The following KIAA0825 variants were observed in gnomAD, a reference collection of about 807,000 sequenced individuals.
KIAA0825 encodes the protein uncharacterized protein KIAA0825.
Under a neutral mutation model 147.6 loss-of-function variants are expected in KIAA0825, and 119 were observed. The ratio of observed to expected loss-of-function variants is 0.81; its 90% CI spans 0.69 to 0.94. The LOEUF is 0.94. KIAA0825 is among the 40% of genes least tolerant of loss of function. The pLI is 0.00. For synonymous variants in KIAA0825, 470 were observed against 518.1 expected, an observed-to-expected ratio of 0.91 and a Z score of 1.26; for missense variants, 1,381 against 1,472.7, an observed-to-expected ratio of 0.94 and a Z score of 1.02.
Position 94,396,490 on chromosome 5 carries a change from A to G in KIAA0825, c.2907T>C (p.Ala969=). 6.7e-7 allele frequency: 1 copy of G among 1,493,490 alleles called. No homozygotes were observed. The highest frequency in any genetic ancestry group is 8.9e-7 in the Non-Finnish European group (1 of 1,123,924). The allele number at this position is 1,493,490 out of a possible 1,614,324, so 92.5% of individuals were successfully genotyped here. ...TGCTGATTACAATAGATACTGCCTG[A>G]GCAGTAAGCCTTGTGAAGCCTGGGG... ...ESCKSFTRLT[A]QAVSIVISKL... Residue 969 remains alanine (A), a synonymous_variant, in exon 17 of 21, where the codon GCT becomes GCC. Coordinates refer to ENST00000682413, the MANE Select transcript of KIAA0825 (RefSeq NM_001145678.3).
chr5:94,373,556 G>C (rs1239927537), intron 20 of KIAA0825, among the ~76,000 whole-genome samples: 1 of 152,112 alleles, frequency 6.6e-6, no homozygotes, highest in Non-Finnish European at 1.5e-5. Context: ...GCAGGTGAGA[G>C]AATGAGATCT....
At chr5:94,351,046 T>C (rs1783608002) in intron 20 of KIAA0825, among the ~76,000 whole-genome samples, 1 of 152,046 alleles carries the variant, frequency 6.6e-6, no homozygotes, top group Non-Finnish European at 1.5e-5. Flanking sequence ...CTCTTCAATG[T>C]AGTACTGGAA....
chr5:94,265,491 G>T (rs554651119), intron 20 of KIAA0825, among the ~76,000 whole-genome samples: 2 of 152,066 alleles, frequency 1.3e-5, no homozygotes, highest in Non-Finnish European at 2.9e-5. Flanking sequence ...TCACTGCCAC[G>T]TACTTATATT....
intron 10 of KIAA0825, 91 bp from the exon 11 acceptor site, chr5:94,465,150 G>C (rs1463055292): frequency 1.6e-6 from 2 of 1,222,152 alleles, no homozygotes; most frequent in Non-Finnish European, 2.2e-6. Flanking sequence ...AGGCTGAAAG[G>C]AAATAGCTAA....
intron 20 of KIAA0825, among the ~76,000 whole-genome samples, chr5:94,237,856 G>C (rs1775141065): frequency 6.6e-6 from 1 of 152,192 alleles, no homozygotes; most frequent in Non-Finnish European, 1.5e-5. Context: ...TGGCCCTGTA[G>C]ATTAGCTCAG....
chr5:94,296,422 C>T (rs181909050), intron 20 of KIAA0825, among the ~76,000 whole-genome samples: 52 of 152,192 alleles, frequency 3.4e-4, no homozygotes, highest in African/African-American at 1.2e-3. Flanking sequence ...CATTTTGTCT[C>T]GCTGGTGTTC....
chr5:94,563,357 C>CAA (rs35396980), intron 2 of KIAA0825, among the ~76,000 whole-genome samples: 4 of 131,302 alleles, frequency 3.0e-5, no homozygotes, highest in Non-Finnish European at 4.9e-5. Flanking sequence ...GACTCCGTCT[C>CAA]AAAAAAAAAA....
intron 20 of KIAA0825, among the ~76,000 whole-genome samples, chr5:94,215,718 G>A (rs1773132102): frequency 6.6e-6 from 1 of 151,962 alleles, no homozygotes; most frequent in African/African-American, 2.4e-5. Context: ...CTTCTTTCCT[G>A]AAAAACTTTC....
intron 20 of KIAA0825, among the ~76,000 whole-genome samples, chr5:94,347,391 G>T (rs577295171): frequency 6.6e-6 from 1 of 152,284 alleles, no homozygotes; most frequent in African/African-American, 2.4e-5. Context: ...AAACCCTCAC[G>T]GAGTTCATTG....
At chr5:94,427,605 T>C (rs1755060000) in intron 14 of KIAA0825, among the ~76,000 whole-genome samples, 1 of 152,220 alleles carries the variant, frequency 6.6e-6, no homozygotes, top group South Asian at 2.1e-4. Flanking sequence ...TTTTATAAGA[T>C]TTGTACTTTC....
chr5:94,295,619 T>A (rs1243659986), intron 20 of KIAA0825, among the ~76,000 whole-genome samples: 2 of 152,186 alleles, frequency 1.3e-5, no homozygotes, highest in Non-Finnish European at 2.9e-5. Context: ...TGGACATCCT[T>A]TTTGTTGATG....
chr5:94,254,660 G>A (rs1044219323), intron 20 of KIAA0825, among the ~76,000 whole-genome samples: 1 of 152,020 alleles, frequency 6.6e-6, no homozygotes, highest in South Asian at 2.1e-4. Flanking sequence ...ACATCTCTAT[G>A]ATATTGACAA....
chr5:94,411,767 T>C (rs965475866), intron 15 of KIAA0825, among the ~76,000 whole-genome samples: 12 of 152,082 alleles, frequency 7.9e-5, no homozygotes, highest in Non-Finnish European at 1.6e-4. Context: ...GCCAACATAG[T>C]GAGACCCCAC....
chr5:94,182,250 CTTTTTTTTTTTTT>C (rs771486226), intron 20 of KIAA0825, among the ~76,000 whole-genome samples: 8 of 38,276 alleles, frequency 2.1e-4, no homozygotes, highest in Non-Finnish European at 2.6e-4. Flanking sequence ...AATGTCCCTT[CTTTTTTTTTTTTT>C]TTTTTTTTTT....
chr5:94,532,103 C>G (rs1770912856), intron 3 of KIAA0825, among the ~76,000 whole-genome samples: 1 of 152,072 alleles, frequency 6.6e-6, no homozygotes, highest in South Asian at 2.1e-4. Context: ...AAATGTCTCC[C>G]CTCTCCCTGC....
At chr5:94,457,169 TATA>T (rs1759218932) in intron 12 of KIAA0825, among the ~76,000 whole-genome samples, 1 of 152,076 alleles carries the variant, frequency 6.6e-6, no homozygotes, top group Non-Finnish European at 1.5e-5. Context: ...TTCTAGAGAG[TATA>T]ACAGGGTGAA....
intron 1 of KIAA0825, among the ~76,000 whole-genome samples, chr5:94,596,930 T>C (rs960910810): frequency 6.6e-6 from 1 of 152,190 alleles, no homozygotes; most frequent in Non-Finnish European, 1.5e-5. Context: ...TGATTTTGTA[T>C]CCTGAAACTT....
chr5:94,203,139 G>C (rs1325540550), intron 20 of KIAA0825, among the ~76,000 whole-genome samples: 2 of 152,146 alleles, frequency 1.3e-5, no homozygotes, highest in East Asian at 1.9e-4. Context: ...CATGATCAAC[G>C]TTTGCAATAG....
intron 20 of KIAA0825, among the ~76,000 whole-genome samples, chr5:94,214,441 G>T (rs1338109458): frequency 1.3e-5 from 2 of 152,002 alleles, no homozygotes; most frequent in Admixed American, 6.6e-5. Context: ...TTTTACCCTT[G>T]TCTCACTTCC....
Sources: gnomAD v4.1 joint callset for allele counts (sites outside exome capture counted in the v4.1 genomes callset) on GRCh38, gnomAD v4.1.1 for gene constraint, MANE v1.5 for transcripts, NCBI Gene and HGNC (gene_info 2026-07-23, HGNC 2026-07-21) for gene names.